The following NOL4 variants were observed in gnomAD, a reference collection of about 807,000 sequenced individuals.
NOL4 encodes the protein nucleolar protein 4.
In NOL4, 17 loss-of-function variants were observed where a neutral mutation model predicts 75.9. The observed-to-expected ratio is 0.22, with a 90% CI of 0.15 to 0.34. The LOEUF is 0.34. Among genes scored for constraint, NOL4 ranks in the 10% least tolerant of loss-of-function variants. NOL4 has a pLI of 1.00. For synonymous variants in NOL4, 292 were observed against 289.9 expected (o/e 1.01, Z -0.07); for missense variants, 614 against 793.5 (o/e 0.77, Z 2.72).
chr18:33,890,863 T>TA (rs1029748932), intron 9 of NOL4, among the ~76,000 whole-genome samples: 2 of 151,876 alleles, frequency 1.3e-5, no homozygotes, highest in Non-Finnish European at 2.9e-5. Flanking sequence ...GAAATAGTGG[T>TA]AGAGAAATAT....
chr18:33,985,757 T>C (rs959885062), intron 6 of NOL4, among the ~76,000 whole-genome samples: 26 of 152,162 alleles, frequency 1.7e-4, no homozygotes, highest in African/African-American at 6.0e-4. Flanking sequence ...GTTTTATCCA[T>C]AATCTATCTT....
At chr18:34,136,692 CTAAA>C (rs2080906699) in intron 1 of NOL4, among the ~76,000 whole-genome samples, 1 of 151,992 alleles carries the variant, frequency 6.6e-6, no homozygotes, top group African/African-American at 2.4e-5. Context: ...TTAATATGAG[CTAAA>C]TAAACTGAAA....
chr18:33,926,285 G>C (rs1171385641), intron 9 of NOL4, among the ~76,000 whole-genome samples: 2 of 146,706 alleles, frequency 1.4e-5, no homozygotes, highest in Non-Finnish European at 3.0e-5. Flanking sequence ...GCTTGAACCT[G>C]GGAGGCAGAG....
intron 5 of NOL4, among the ~76,000 whole-genome samples, chr18:34,059,787 A>G (rs796423071): frequency 5.9e-5 from 9 of 152,278 alleles, no homozygotes; most frequent in African/African-American, 2.2e-4. Flanking sequence ...GCCACCAAGT[A>G]AATGTCTCAC....
chr18:34,098,246 T>C (rs1355130006), intron 4 of NOL4, among the ~76,000 whole-genome samples: 2 of 152,174 alleles, frequency 1.3e-5, no homozygotes, highest in African/African-American at 4.8e-5. Context: ...AGTGATGCTG[T>C]GTCAGTCCCA....
At chr18:33,942,547 G>T (rs1019821752) in intron 9 of NOL4, among the ~76,000 whole-genome samples, 3 of 152,006 alleles carry the variant, frequency 2.0e-5, no homozygotes, top group African/African-American at 7.2e-5. Context: ...ATTAATTAAT[G>T]AGAGATTAAG....
At chr18:33,987,313 C>G (rs569129536) in intron 6 of NOL4, among the ~76,000 whole-genome samples, 3 of 152,052 alleles carry the variant, frequency 2.0e-5, no homozygotes, top group Non-Finnish European at 2.9e-5. Context: ...GGAAAGTGAC[C>G]CTGAAAGCTT....
At chr18:34,037,014 A>T (rs921097376) in intron 5 of NOL4, among the ~76,000 whole-genome samples, 2 of 152,184 alleles carry the variant, frequency 1.3e-5, no homozygotes, top group African/African-American at 4.8e-5. Flanking sequence ...ACATAATCCT[A>T]TATCTAGCAA....
chr18:33,972,140 G>C (rs1169572817), intron 6 of NOL4, among the ~76,000 whole-genome samples: 1 of 151,104 alleles, frequency 6.6e-6, no homozygotes, highest in African/African-American at 2.4e-5. Flanking sequence ...CTTCAGCATG[G>C]GAGATAGAGT....
At chr18:33,955,079 A>G (rs1363104285) in intron 8 of NOL4, among the ~76,000 whole-genome samples, 1 of 152,126 alleles carries the variant, frequency 6.6e-6, no homozygotes, top group Non-Finnish European at 1.5e-5. Flanking sequence ...GCATCAATTA[A>G]GTTAATTGGT....
At chr18:34,148,842 G>A (rs937467348) in intron 1 of NOL4, among the ~76,000 whole-genome samples, 2 of 151,972 alleles carry the variant, frequency 1.3e-5, no homozygotes, top group African/African-American at 4.8e-5. Context: ...TTGTGTGGGA[G>A]TCTAAGTCTC....
At chr18:33,892,894 C>T (rs1419962244) in intron 9 of NOL4, among the ~76,000 whole-genome samples, 1 of 151,960 alleles carries the variant, frequency 6.6e-6, no homozygotes, top group Non-Finnish European at 1.5e-5. Flanking sequence ...AACTCTTGAC[C>T]TCAAGCTATC....
chr18:34,192,955 A>G (rs183205120), intron 1 of NOL4, among the ~76,000 whole-genome samples: 6 of 152,306 alleles, frequency 3.9e-5, no homozygotes, highest in Middle Eastern at 3.4e-3. Context: ...ATGCAGCAAG[A>G]AGGCCCTCAC....
At chr18:34,160,563 G>T (rs1016027867) in intron 1 of NOL4, among the ~76,000 whole-genome samples, 9 of 152,122 alleles carry the variant, frequency 5.9e-5, no homozygotes, top group African/African-American at 2.2e-4. Flanking sequence ...ATAAGGAAAT[G>T]AAAAGCATTT....
chr18:33,961,938 G>A (rs568423085), intron 6 of NOL4, among the ~76,000 whole-genome samples: 25 of 152,076 alleles, frequency 1.6e-4, no homozygotes, highest in African/African-American at 3.4e-4. Context: ...GACCAACCAC[G>A]GGGCCTGTTA....
chr18:33,984,145 A>T (rs537204821), intron 6 of NOL4, among the ~76,000 whole-genome samples: 1 of 152,250 alleles, frequency 6.6e-6, no homozygotes, highest in South Asian at 2.1e-4. Context: ...CTAGTCAACA[A>T]CAAAGAAACT....
At chr18:33,933,513 A>G (rs1422537698) in intron 9 of NOL4, among the ~76,000 whole-genome samples, 2 of 152,172 alleles carry the variant, frequency 1.3e-5, no homozygotes, top group South Asian at 2.1e-4. Flanking sequence ...TCAAAATGGG[A>G]GTCAATTCCT....
intron 1 of NOL4, among the ~76,000 whole-genome samples, chr18:34,216,507 C>T (rs1014763117): frequency 6.6e-6 from 1 of 151,066 alleles, no homozygotes; most frequent in Non-Finnish European, 1.5e-5. Context: ...AACCAGATAA[C>T]AAAACAGATA....
chr18:34,075,506 C>T (rs1472955015), intron 5 of NOL4, among the ~76,000 whole-genome samples: 3 of 152,022 alleles, frequency 2.0e-5, no homozygotes, highest in Admixed American at 6.6e-5. Flanking sequence ...TTGGAATTTT[C>T]CACTTGTGGC....
Sources: allele counts gnomAD v4.1 joint callset (sites outside exome capture counted in the v4.1 genomes callset), GRCh38; gene constraint gnomAD v4.1.1; transcripts MANE v1.5; gene names NCBI Gene and HGNC (gene_info 2026-07-23, HGNC 2026-07-21).